The following UBA2 variants were observed in gnomAD, a reference collection of about 807,000 sequenced individuals.
UBA2 encodes the protein SUMO-activating enzyme subunit 2.
In UBA2, 11 loss-of-function variants were observed where a neutral mutation model predicts 77.2. The ratio of observed to expected loss-of-function variants is 0.14; its 90% CI spans 0.09 to 0.24. The LOEUF is 0.24. Ranked by LOEUF, UBA2 falls within the 10% of genes least tolerant of loss-of-function variation. The pLI is 1.00. For synonymous variants in UBA2, 278 were observed against 276.7 expected (o/e 1.00, Z -0.05); for missense variants, 487 against 781.7 (o/e 0.62, Z 4.50).
Position 34,469,062 on chromosome 19 carries a change from C to T in UBA2, c.1764C>T (p.Leu588=). The change falls in exon 17 of 17, where the codon CTC becomes CTT. Residue 588 remains leucine, a synonymous_variant. Coordinates refer to ENST00000246548, the MANE Select transcript of UBA2 (RefSeq NM_005499.3). The part of the protein sequence containing the change: ...TSTAQEQDDV[L]IVDSDEEDSS... The stretch of plus-strand genomic sequence containing the variant: ...AAGCTCAAGAGCAAGATGACGTTCT[C>T]ATAGTTGATTCAGATGAAGAAGATT... 1 of 1,607,474 alleles carries T rather than the reference C, an allele frequency of 6.2e-7. No homozygotes were observed. The highest frequency in any genetic ancestry group is 1.1e-5 in the South Asian group (1 of 89,496).
At chr19:34,431,991 G>T in intron 3 of UBA2, 60 bp downstream of exon 3, 3 of 1,220,034 alleles carry the variant, frequency 2.5e-6, no homozygotes, top group Middle Eastern at 2.0e-4. Flanking sequence ...AAATATATAA[G>T]CTCAAAGTCA....
chr19:34,448,683 C>A (rs889037314), intron 8 of UBA2, among the ~76,000 whole-genome samples: 1 of 152,114 alleles, frequency 6.6e-6, no homozygotes, highest in Non-Finnish European at 1.5e-5. Context: ...ATTTTGAACT[C>A]ATTTGAGATT....
chr19:34,455,693 G>A (rs1216650450), intron 12 of UBA2, among the ~76,000 whole-genome samples: 3 of 152,206 alleles, frequency 2.0e-5, no homozygotes, highest in African/African-American at 7.2e-5. Context: ...GCCCAGGCTG[G>A]AGTGCAGTGG....
At chr19:34,454,882 G>A (rs531388362) in intron 12 of UBA2, among the ~76,000 whole-genome samples, 89 of 152,164 alleles carry the variant, frequency 5.8e-4, no homozygotes, top group Non-Finnish European at 1.0e-3. Flanking sequence ...AATTTGCTTG[G>A]TCATTTTATA....
intron 16 of UBA2, 29 bp downstream of exon 16, chr19:34,467,043 TAAA>T (rs1568387741): frequency 6.2e-7 from 1 of 1,603,330 alleles, no homozygotes; most frequent in East Asian, 2.2e-5. Flanking sequence ...AGCAGGTTGT[TAAA>T]TACCCACAAA....
chr19:34,435,016 C>T lies in UBA2; in HGVS notation c.459+48C>T, dbSNP rs374501995. ...TAACTTCCCAAATATTTATTTGAGACCTTGGAGCAGGAGGAAATAAACTTT... is the reference window on the plus strand; with the variant it reads ...TAACTTCCCAAATATTTATTTGAGATCTTGGAGCAGGAGGAAATAAACTTT... On this transcript the variant is annotated intron_variant, in intron 5 of 16. Transcript: ENST00000246548. 9 of 1,255,754 alleles carry T rather than the reference C, an allele frequency of 7.2e-6. No individual in the cohort carries two copies. The Admixed American group carries it at 1.1e-4, about 16-fold the overall frequency. 77.8% of individuals were successfully genotyped at this position (1,255,754 alleles called of 1,614,324 possible).
At chr19:34,467,043 TA>T (rs1568387738) in intron 16 of UBA2, 29 bp downstream of exon 16, 1 of 1,603,330 alleles carries the variant, frequency 6.2e-7, no homozygotes. Context: ...AGCAGGTTGT[TA>T]AATACCCACA....
chr19:34,470,638 T>G lies in UBA2; in HGVS notation c.*1417T>G, dbSNP rs1391080591. 4 of 152,270 alleles carry G rather than the reference T, an allele frequency of 2.6e-5. No individual in the cohort carries two copies. Among genetic ancestry groups the G allele is most frequent in the Non-Finnish European group, 4.4e-5 (3 of 68,138 alleles). 9.4% of individuals were successfully genotyped at this position (152,270 alleles called of 1,614,324 possible). ...TCCAGGTGCAAGCGATTCTCCTGTC[T>G]CAGCCTCCCCTGTAGCTGGGATTAC... On this transcript the variant is annotated 3_prime_UTR_variant, in exon 17 of 17. Transcript: ENST00000246548.
At chr19:34,466,179 C>CA (rs946541363) in intron 15 of UBA2, among the ~76,000 whole-genome samples, 2 of 151,708 alleles carry the variant, frequency 1.3e-5, no homozygotes, top group African/African-American at 4.8e-5. Context: ...ACTAAAAATA[C>CA]AAAAAAATTA....
intron 16 of UBA2, 111 bp downstream of exon 16, chr19:34,467,125 A>G: frequency 1.5e-6 from 2 of 1,307,884 alleles, no homozygotes; most frequent in Non-Finnish European, 1.1e-6. Flanking sequence ...AGAGGTGTGT[A>G]TTGGTTTGGT....
chr19:34,428,760 G>C, intron 1 of UBA2, 190 bp downstream of exon 1: 1 of 1,131,258 alleles, frequency 8.8e-7, no homozygotes, highest in Non-Finnish European at 1.1e-6. Flanking sequence ...GGCACGGGGC[G>C]GGCCTCCGCT....
chr19:34,429,134 G>T (rs2075222239), intron 1 of UBA2: 1 of 981,614 alleles, frequency 1.0e-6, no homozygotes, highest in Admixed American at 6.2e-5. Context: ...AAAGGGAGAC[G>T]CAATGGGGTT....
intron 8 of UBA2, 79 bp from the exon 9 acceptor site, chr19:34,450,186 A>G (rs1345436760): frequency 8.5e-6 from 8 of 946,456 alleles, no homozygotes; most frequent in South Asian, 2.8e-5. Flanking sequence ...ATAGTGTAAT[A>G]TAGATCAGCA....
intron 8 of UBA2, among the ~76,000 whole-genome samples, chr19:34,445,773 T>G (rs1356806394): frequency 6.6e-6 from 1 of 152,150 alleles, no homozygotes; most frequent in Non-Finnish European, 1.5e-5. Flanking sequence ...ATATCTGCTA[T>G]TAGCAGTTTG....
At chr19:34,455,865 C>T (rs551718985) in intron 12 of UBA2, among the ~76,000 whole-genome samples, 2 of 152,126 alleles carry the variant, frequency 1.3e-5, no homozygotes, top group South Asian at 2.1e-4. Flanking sequence ...TGGTCTCGAA[C>T]TCCTGACCTC....
chr19:34,449,240 T>C (rs1430491904), intron 8 of UBA2, among the ~76,000 whole-genome samples: 2 of 152,014 alleles, frequency 1.3e-5, no homozygotes, highest in African/African-American at 2.4e-5. Flanking sequence ...CAGCTGATTT[T>C]TGTATTTTTA....
chr19:34,436,971 G>T (rs775755415), intron 5 of UBA2, among the ~76,000 whole-genome samples: 3 of 152,182 alleles, frequency 2.0e-5, no homozygotes, highest in Non-Finnish European at 4.4e-5. Context: ...ATTGCAGTAT[G>T]AGTCTCATGA....
At chr19:34,431,112 C>G (rs532985556) in intron 2 of UBA2, among the ~76,000 whole-genome samples, 1 of 152,158 alleles carries the variant, frequency 6.6e-6, no homozygotes, top group Non-Finnish European at 1.5e-5. Context: ...TGGCAAACCC[C>G]CACTTGTTTC....
rs2075413603 is a variant in UBA2, at chr19:34,445,047, G to A, written c.697G>A (p.Gly233Ser). The stretch of plus-strand genomic sequence containing the variant: ...CAGAGCTAGAGCATCTAATGAAGAT[G>A]GTGACATTAAACGTATTTCTACTAA... ...EARARASNED[G>S]DIKRISTKEW... Residue 233 changes from glycine (G) to serine (S), a missense_variant, in exon 8 of 17, where the codon GGT (glycine) becomes AGT (serine). Coordinates refer to ENST00000246548, the MANE Select transcript of UBA2 (RefSeq NM_005499.3). 2 of 1,613,520 alleles carry A rather than the reference G, an allele frequency of 1.2e-6. No homozygotes were observed. Among genetic ancestry groups the A allele is most frequent in the Non-Finnish European group, 8.5e-7 (1 of 1,179,792 alleles).
Sources: allele counts gnomAD v4.1 joint callset (sites outside exome capture counted in the v4.1 genomes callset), GRCh38; gene constraint gnomAD v4.1.1; transcripts MANE v1.5; gene names NCBI Gene and HGNC (gene_info 2026-07-23, HGNC 2026-07-21).